Variants in PLXDC2 observed in about 807,000 individuals in gnomAD.
PLXDC2 encodes plexin domain-containing protein 2.
In PLXDC2, 40 loss-of-function variants were observed where a neutral mutation model predicts 68.9. That is an observed-to-expected ratio of 0.58 (90% CI 0.45 to 0.76). The LOEUF (loss-of-function observed/expected upper bound fraction) is 0.76. Among genes scored for constraint, PLXDC2 ranks in the 30% least tolerant of loss-of-function variants. The pLI is 0.00. For synonymous variants in PLXDC2, 243 were observed against 234.2 expected (o/e 1.04, Z -0.34); for missense variants, 644 against 661.9 (o/e 0.97, Z 0.30).
intron 1 of PLXDC2, among the ~76,000 whole-genome samples, chr10:19,891,729 A>G (rs1023533823): frequency 1.3e-5 from 2 of 152,230 alleles, no homozygotes; most frequent in African/African-American, 4.8e-5. Flanking sequence ...TCGCTTGTAG[A>G]TTAATTTCGT....
intron 1 of PLXDC2, among the ~76,000 whole-genome samples, chr10:19,928,673 G>C (rs938508923): frequency 3.9e-5 from 6 of 151,904 alleles, no homozygotes; most frequent in Non-Finnish European, 5.9e-5. Context: ...GAGTAGACTG[G>C]AGTTTCACTA....
intron 1 of PLXDC2, among the ~76,000 whole-genome samples, chr10:19,936,568 T>A (rs940697699): frequency 1.1e-4 from 16 of 152,220 alleles, no homozygotes; most frequent in Admixed American, 7.2e-4. Context: ...CCTGACAACA[T>A]GTTTGTGAGC....
intron 1 of PLXDC2, among the ~76,000 whole-genome samples, chr10:19,851,098 G>A (rs372371076): frequency 9.2e-5 from 14 of 152,012 alleles, no homozygotes; most frequent in Non-Finnish European, 1.8e-4. Flanking sequence ...CATTGATAAG[G>A]GTAATAAATA....
At chr10:20,046,165 T>C (rs1364557554) in intron 2 of PLXDC2, among the ~76,000 whole-genome samples, 1 of 152,126 alleles carries the variant, frequency 6.6e-6, no homozygotes, top group Non-Finnish European at 1.5e-5. Context: ...GTAATTATAC[T>C]TTAGGTTTTT....
intron 4 of PLXDC2, among the ~76,000 whole-genome samples, chr10:20,119,316 G>A (rs1833663704): frequency 6.6e-6 from 1 of 151,710 alleles, no homozygotes; most frequent in Non-Finnish European, 1.5e-5. Flanking sequence ...AGCGAAGGGA[G>A]ATAGGGGTGG....
chr10:20,161,301 G>C (rs1834287468), intron 6 of PLXDC2, among the ~76,000 whole-genome samples: 2 of 150,082 alleles, frequency 1.3e-5, no homozygotes, highest in Admixed American at 1.3e-4. Flanking sequence ...GCTAGGCAAG[G>C]ATAACTTTTG....
chr10:20,089,421 G>A (rs537105418), intron 4 of PLXDC2, among the ~76,000 whole-genome samples: 1 of 152,246 alleles, frequency 6.6e-6, no homozygotes, highest in South Asian at 2.1e-4. Flanking sequence ...GCACACATGT[G>A]TTTCGAGACT....
intron 1 of PLXDC2, among the ~76,000 whole-genome samples, chr10:19,838,556 C>T (rs545111739): frequency 3.3e-5 from 5 of 152,118 alleles, no homozygotes; most frequent in Non-Finnish European, 7.4e-5. Flanking sequence ...AGTGTGAGCT[C>T]AGATGAACTG....
chr10:20,017,536 T>C (rs1835233553), intron 2 of PLXDC2, among the ~76,000 whole-genome samples: 1 of 152,184 alleles, frequency 6.6e-6, no homozygotes, highest in Non-Finnish European at 1.5e-5. Context: ...GAATTCCAGT[T>C]TTAAAGAGGG....
chr10:20,047,780 A>G (rs1253614186), intron 3 of PLXDC2, among the ~76,000 whole-genome samples: 1 of 152,140 alleles, frequency 6.6e-6, no homozygotes, highest in Admixed American at 6.6e-5. Context: ...CACATTGCAG[A>G]TAAGAGAACG....
chr10:20,130,693 T>TA (rs1431093868), intron 4 of PLXDC2, among the ~76,000 whole-genome samples: 1 of 152,172 alleles, frequency 6.6e-6, no homozygotes, highest in Non-Finnish European at 1.5e-5. Flanking sequence ...TGAGAGTTTT[T>TA]ATCATGAAAG....
intron 1 of PLXDC2, among the ~76,000 whole-genome samples, chr10:19,843,975 T>C (rs1437448863): frequency 6.6e-6 from 1 of 152,186 alleles, no homozygotes; most frequent in Non-Finnish European, 1.5e-5. Flanking sequence ...AGGTGATGGG[T>C]GCCCCAAATG....
Position 20,132,615 on chromosome 10 carries a change from T to A in PLXDC2, c.542-10680T>A, listed in dbSNP as rs1438679152. Among the ~76,000 whole-genome samples, 8 of 152,260 alleles carry A rather than the reference T, an allele frequency of 5.3e-5. No individual in the cohort carries two copies. The East Asian group carries it at 1.5e-3, about 29-fold the overall frequency. On this transcript the variant is annotated intron_variant, in intron 4 of 13. Transcript: ENST00000377252. ...ATTGTCTCTTGTGGCAGTTTTTGAT[T>A]TAACATCTCTTTTGTCTGATATAGT...
Position 20,284,844 on chromosome 10 carries a change from A to G in PLXDC2, c.*5025A>G, listed in dbSNP as rs1836131090. On this transcript the variant is annotated 3_prime_UTR_variant, in exon 14 of 14. Coordinates refer to ENST00000377252, the MANE Select transcript of PLXDC2 (RefSeq NM_032812.9). ...TATTGACAATCTGCTCTGTTCTGTAATATAGAACATTGGATCAATCTTTAT... is the reference window on the plus strand; with the variant it reads ...TATTGACAATCTGCTCTGTTCTGTAGTATAGAACATTGGATCAATCTTTAT... 6.6e-6 allele frequency: 1 copy of G among 152,158 alleles called. No individual in the cohort carries two copies. The highest frequency in any genetic ancestry group is 1.5e-5 in the Non-Finnish European group (1 of 68,034). The allele number at this position is 152,158 out of a possible 1,614,324, so 9.4% of individuals were successfully genotyped here.
chr10:19,859,384 C>T (rs1837277345), intron 1 of PLXDC2, among the ~76,000 whole-genome samples: 1 of 152,186 alleles, frequency 6.6e-6, no homozygotes, highest in African/African-American at 2.4e-5. Context: ...TACATCCTTT[C>T]CTTGCTACAA....
chr10:19,958,832 T>G (rs1834112003), intron 1 of PLXDC2, among the ~76,000 whole-genome samples: 1 of 152,172 alleles, frequency 6.6e-6, no homozygotes, highest in African/African-American at 2.4e-5. Context: ...TTTGTTTTGT[T>G]TTGTTTTTCA....
At chr10:20,244,343 T>G (rs1387771291) in intron 12 of PLXDC2, among the ~76,000 whole-genome samples, 1 of 152,212 alleles carries the variant, frequency 6.6e-6, no homozygotes, top group African/African-American at 2.4e-5. Context: ...GGATAGTTAT[T>G]ACTTTATAAA....
Position 20,283,147 on chromosome 10 carries a change from T to G in PLXDC2, c.*3328T>G, listed in dbSNP as rs1298063110. On this transcript the variant is annotated 3_prime_UTR_variant, in exon 14 of 14. Coordinates refer to ENST00000377252, the MANE Select transcript of PLXDC2 (RefSeq NM_032812.9). ...GGGAAGAAGAGGAAAGAAACAAGAT[T>G]TGGTAGCTCTTGGGCATATCCAAGC... The G allele has an allele frequency of 3.3e-5, 5 of 152,094 alleles. No individual in the cohort carries two copies. The highest frequency in any genetic ancestry group is 5.9e-5 in the Non-Finnish European group (4 of 68,008). The allele number at this position is 152,094 out of a possible 1,614,324, so 9.4% of individuals were successfully genotyped here.
chr10:19,970,303 A>G (rs981050772), intron 1 of PLXDC2, among the ~76,000 whole-genome samples: 2 of 152,214 alleles, frequency 1.3e-5, no homozygotes, highest in African/African-American at 4.8e-5. Flanking sequence ...GTATGCATCA[A>G]CTGCCTCATC....
Sources: allele counts gnomAD v4.1 joint callset (sites outside exome capture counted in the v4.1 genomes callset), GRCh38; gene constraint gnomAD v4.1.1; transcripts MANE v1.5; gene names NCBI Gene and HGNC (gene_info 2026-07-23, HGNC 2026-07-21).